FIP1L1: variants seen among roughly 807,000 people sequenced by gnomAD.
FIP1L1 encodes the protein pre-mRNA 3'-end-processing factor FIP1.
FIP1L1 carries 21 observed loss-of-function variants against 84.6 expected under a neutral mutation model. The ratio of observed to expected loss-of-function variants is 0.25; its 90% confidence interval spans 0.18 to 0.36. FIP1L1 has a LOEUF of 0.36. Ranked by LOEUF, FIP1L1 falls within the 10% of genes least tolerant of loss-of-function variation. The probability of loss-of-function intolerance (pLI) is 1.00; values close to 1 mark genes in which losing one functional copy is unlikely to be tolerated. For missense variants in FIP1L1, 526 were observed against 751.1 expected (o/e 0.70, Z 3.50); for synonymous variants, 263 against 242.3 (o/e 1.09, Z -0.80).
chr4:53,413,274 C>T (rs756388732), intron 10 of FIP1L1, among the ~76,000 whole-genome samples: 40 of 151,804 alleles, frequency 2.6e-4, no homozygotes, highest in Non-Finnish European at 4.9e-4. Context: ...ACTCTGATTC[C>T]TTTTAGTGGG....
At chr4:53,397,185 C>T (rs549448517) in intron 9 of FIP1L1, among the ~76,000 whole-genome samples, 47 of 152,286 alleles carry the variant, frequency 3.1e-4, no homozygotes, top group Middle Eastern at 6.8e-3. Flanking sequence ...GAAGAAAATC[C>T]GATGACACTA....
chr4:53,392,798 T>A (rs1160738808), intron 9 of FIP1L1, among the ~76,000 whole-genome samples: 3 of 152,224 alleles, frequency 2.0e-5, no homozygotes, highest in African/African-American at 7.2e-5. Context: ...TACTGTGTAC[T>A]GAAAAATTTA....
At chr4:53,394,485 C>A (rs981678495) in intron 9 of FIP1L1, among the ~76,000 whole-genome samples, 3 of 152,084 alleles carry the variant, frequency 2.0e-5, no homozygotes, top group Non-Finnish European at 4.4e-5. Flanking sequence ...ATAAGGTATT[C>A]CAGTATTCTA....
intron 15 of FIP1L1, among the ~76,000 whole-genome samples, chr4:53,444,744 G>C (rs1446076399): frequency 4.6e-5 from 7 of 151,996 alleles, no homozygotes; most frequent in Admixed American, 4.6e-4. Context: ...ACCATGCCGG[G>C]CTAATTTTGT....
chr4:53,392,715 AAG>A lies in FIP1L1; in HGVS notation c.705+1221_705+1222del, dbSNP rs200193262. 8.8e-3 allele frequency among the ~76,000 whole-genome samples: 1,343 copies of A among 151,980 alleles called. 22 individuals are homozygous for A. The highest frequency in any genetic ancestry group is 0.03 in the African/African-American group (1,266 of 41,572). ...CTTCATTTTTTGTAGTAGACTTAAA[AAG>A]AGAATAAAAAGAAACTCCTAGGGGT... On this transcript the variant is annotated intron_variant, in intron 9 of 17. Transcript: ENST00000337488.
At chr4:53,396,632 C>T (rs1460993478) in intron 9 of FIP1L1, among the ~76,000 whole-genome samples, 1 of 152,060 alleles carries the variant, frequency 6.6e-6, no homozygotes, top group Non-Finnish European at 1.5e-5. Flanking sequence ...TCTCGAACTC[C>T]TGACCTCGTG....
chr4:53,379,192 CTTAT>C (rs770116385), intron 2 of FIP1L1, 29 bp from the exon 3 acceptor site: 28 of 1,603,554 alleles, frequency 1.7e-5, no homozygotes, highest in African/African-American at 5.4e-5. Flanking sequence ...ATTTTGTTTG[CTTAT>C]TTATTTATTT....
At chr4:53,411,911 G>T (rs1757408969) in intron 10 of FIP1L1, among the ~76,000 whole-genome samples, 1 of 152,014 alleles carries the variant, frequency 6.6e-6, no homozygotes, top group Non-Finnish European at 1.5e-5. Context: ...TATCAGGAAT[G>T]TACATCTTGG....
At chr4:53,448,287 A>T (rs1170629427) in intron 15 of FIP1L1, among the ~76,000 whole-genome samples, 5 of 151,942 alleles carry the variant, frequency 3.3e-5, no homozygotes, top group African/African-American at 1.2e-4. Flanking sequence ...TTACATATCT[A>T]TGTGTATGAA....
chr4:53,409,811 C>T (rs565714835), intron 10 of FIP1L1, among the ~76,000 whole-genome samples: 1 of 152,358 alleles, frequency 6.6e-6, no homozygotes, highest in East Asian at 1.9e-4. Context: ...AGGATATAAT[C>T]TCCTGGTGCG....
At chr4:53,429,350 CA>C (rs1200592255) in intron 13 of FIP1L1, among the ~76,000 whole-genome samples, 1 of 151,442 alleles carries the variant, frequency 6.6e-6, no homozygotes, top group East Asian at 2.0e-4. Flanking sequence ...CTAGTTCCAA[CA>C]AATAGATTGA....
At chr4:53,426,886 G>A (rs1473145216) in intron 12 of FIP1L1, among the ~76,000 whole-genome samples, 1 of 152,094 alleles carries the variant, frequency 6.6e-6, no homozygotes, top group African/African-American at 2.4e-5. Context: ...ATTAATGTTA[G>A]AACTTTAATA....
intron 9 of FIP1L1, among the ~76,000 whole-genome samples, chr4:53,395,900 G>C (rs1316319156): frequency 6.7e-6 from 1 of 148,670 alleles, no homozygotes; most frequent in Non-Finnish European, 1.5e-5. Flanking sequence ...GGCCTTAATT[G>C]GCATAACTGT....
intron 11 of FIP1L1, among the ~76,000 whole-genome samples, chr4:53,417,801 T>A (rs1370575207): frequency 0.1 from 12,589 of 121,752 alleles, 1,386 homozygotes; most frequent in South Asian, 0.29. Context: ...TCTCTCTCTC[T>A]CTCTCTCTCT....
intron 5 of FIP1L1, among the ~76,000 whole-genome samples, chr4:53,384,740 G>A (rs1739998076): frequency 6.6e-6 from 1 of 152,168 alleles, no homozygotes; most frequent in African/African-American, 2.4e-5. Context: ...ATACATTGAA[G>A]TACGAATTGT....
At position 53,392,322 on chromosome 4, in the gene FIP1L1, C is replaced by T. The variant is rs961829527; in HGVS notation, c.705+824C>T. Among the ~76,000 whole-genome samples, 3 of 152,256 alleles carry T rather than the reference C, an allele frequency of 2.0e-5. No individual in the cohort carries two copies. The East Asian group carries it at 5.8e-4, about 29-fold the overall frequency. On this transcript the variant is annotated intron_variant, in intron 9 of 17. Transcript: ENST00000337488. Reference sequence around the variant, plus strand: ...GGACTGGAAAGAGACCACTGCTCCCCTTTTGGGTTTGCAGCCCTGTCCACC... The same window carrying T: ...GGACTGGAAAGAGACCACTGCTCCCTTTTTGGGTTTGCAGCCCTGTCCACC...
chr4:53,393,764 G>GCCCCCCCCC (rs35029503), intron 9 of FIP1L1, among the ~76,000 whole-genome samples: 14 of 87,990 alleles, frequency 1.6e-4, no homozygotes, highest in Non-Finnish European at 2.5e-4. Context: ...TTTCCCCCCG[G>GCCCCCCCCC]CCCCCCCCCC....
At position 53,459,608 on chromosome 4, in the gene FIP1L1, T is replaced by TGTTAA. The variant is rs768575468; in HGVS notation, c.*165_*169dup. 24 of 1,011,060 alleles carry TGTTAA rather than the reference T, an allele frequency of 2.4e-5. No homozygotes were observed. Among genetic ancestry groups the TGTTAA allele is most frequent in the East Asian group, 4.9e-5 (2 of 40,528 alleles). 62.6% of individuals were successfully genotyped at this position (1,011,060 alleles called of 1,614,324 possible). A position where few individuals can be genotyped will look rare whatever the true frequency, so the allele number is the denominator to read the frequency against. ...CCAAAATAAAAGAGTGAATTTTTCA[T>TGTTAA]GTTAAGTTAAAAATCTTTGTCTTGT... On this transcript the variant is annotated 3_prime_UTR_variant, in exon 18 of 18. Coordinates refer to ENST00000337488, the MANE Select transcript of FIP1L1 (RefSeq NM_030917.4).
intron 13 of FIP1L1, among the ~76,000 whole-genome samples, chr4:53,441,867 T>C (rs1772082267): frequency 6.6e-6 from 1 of 151,974 alleles, no homozygotes; most frequent in African/African-American, 2.4e-5. Context: ...TTGTTAATTG[T>C]TAACACTTGG....
Sources: allele counts gnomAD v4.1 joint callset (sites outside exome capture counted in the v4.1 genomes callset), GRCh38; gene constraint gnomAD v4.1.1; transcripts MANE v1.5; gene names NCBI Gene and HGNC (gene_info 2026-07-23, HGNC 2026-07-21).